LRRC4C: variants seen among roughly 807,000 people sequenced by gnomAD.
LRRC4C encodes leucine-rich repeat-containing protein 4C.
Under a neutral mutation model 33.6 loss-of-function variants are expected in LRRC4C, and 5 were observed. The observed-to-expected ratio is 0.15, with a 90% confidence interval of 0.08 to 0.31. The LOEUF is 0.31. Ranked by LOEUF, LRRC4C falls within the 10% of genes least tolerant of loss-of-function variation. The pLI, the probability that LRRC4C is intolerant of heterozygous loss-of-function variation, is 1.00. For synonymous variants in LRRC4C, 329 were observed against 302.0 expected (o/e 1.09, Z -0.93); for missense variants, 560 against 796.7 (o/e 0.70, Z 3.58).
chr11:40,568,736 A>C (rs754808690), intron 3 of LRRC4C, among the ~76,000 whole-genome samples: 1 of 152,166 alleles, frequency 6.6e-6, no homozygotes, highest in Non-Finnish European at 1.5e-5. Flanking sequence ...AAAGAAATCT[A>C]TCAGTGTGTA....
At chr11:40,327,389 T>C (rs1203307302) in intron 3 of LRRC4C, among the ~76,000 whole-genome samples, 1 of 152,168 alleles carries the variant, frequency 6.6e-6, no homozygotes. Context: ...TTCGAATTCA[T>C]TGAGCCTTAC....
intron 1 of LRRC4C, among the ~76,000 whole-genome samples, chr11:41,003,499 G>T (rs1854524032): frequency 6.6e-6 from 1 of 151,944 alleles, no homozygotes; most frequent in South Asian, 2.1e-4. Flanking sequence ...GCTACAACAA[G>T]GTTATTTGAG....
At chr11:40,562,898 G>A (rs976946870) in intron 3 of LRRC4C, among the ~76,000 whole-genome samples, 4 of 151,464 alleles carry the variant, frequency 2.6e-5, no homozygotes, top group African/African-American at 9.7e-5. Context: ...GTGGCACTCT[G>A]TGTGGGGCTC....
intron 5 of LRRC4C, among the ~76,000 whole-genome samples, chr11:40,151,287 T>C (rs762158149): frequency 2.6e-5 from 4 of 152,194 alleles, no homozygotes; most frequent in Non-Finnish European, 4.4e-5. Flanking sequence ...GTCAGGGATT[T>C]TTTCCATTTT....
intron 1 of LRRC4C, among the ~76,000 whole-genome samples, chr11:41,191,568 T>G (rs766038102): frequency 6.6e-6 from 1 of 152,152 alleles, no homozygotes; most frequent in Non-Finnish European, 1.5e-5. Context: ...AAGAACTCAT[T>G]GCAAAGATAT....
intron 1 of LRRC4C, among the ~76,000 whole-genome samples, chr11:41,243,028 T>C (rs547269148): frequency 2.6e-5 from 4 of 152,260 alleles, no homozygotes. Context: ...GCACATTCCG[T>C]CAAAAATTAT....
At chr11:40,633,960 G>A (rs542884194) in intron 3 of LRRC4C, among the ~76,000 whole-genome samples, 1 of 152,138 alleles carries the variant, frequency 6.6e-6, no homozygotes. Flanking sequence ...TGGGTACAAA[G>A]TTTGATAAAT....
At chr11:40,995,702 A>T (rs894663009) in intron 1 of LRRC4C, among the ~76,000 whole-genome samples, 3 of 152,196 alleles carry the variant, frequency 2.0e-5, no homozygotes, top group Middle Eastern at 3.4e-3. Context: ...TTTTTCTTTC[A>T]TATAAAAGCA....
chr11:41,389,711 G>T (rs564543597), intron 1 of LRRC4C, among the ~76,000 whole-genome samples: 1 of 145,950 alleles, frequency 6.9e-6, no homozygotes, highest in East Asian at 2.1e-4. Flanking sequence ...TGCTTACACT[G>T]AAGTAATATC....
intron 2 of LRRC4C, among the ~76,000 whole-genome samples, chr11:40,731,518 T>C (rs932557047): frequency 3.9e-5 from 6 of 152,100 alleles, no homozygotes; most frequent in Non-Finnish European, 8.8e-5. Flanking sequence ...TTAAATTTCT[T>C]TTCTTTATAA....
At chr11:41,420,497 A>G (rs1175793469) in intron 1 of LRRC4C, among the ~76,000 whole-genome samples, 1 of 152,096 alleles carries the variant, frequency 6.6e-6, no homozygotes, top group Non-Finnish European at 1.5e-5. Context: ...AATGAATGAA[A>G]GAAAAATAGA....
chr11:40,133,459 A>G (rs1856780370), intron 6 of LRRC4C, among the ~76,000 whole-genome samples: 1 of 152,210 alleles, frequency 6.6e-6, no homozygotes, highest in African/African-American at 2.4e-5. Flanking sequence ...TTATAACCCC[A>G]GGCGAAGCAC....
At chr11:40,687,069 G>A (rs1422124746) in intron 2 of LRRC4C, among the ~76,000 whole-genome samples, 1 of 152,100 alleles carries the variant, frequency 6.6e-6, no homozygotes, top group African/African-American at 2.4e-5. Context: ...TCACTCTCAG[G>A]CTTGGATGCT....
chr11:41,135,019 G>C (rs1241450425), intron 1 of LRRC4C, among the ~76,000 whole-genome samples: 2 of 152,042 alleles, frequency 1.3e-5, no homozygotes, highest in African/African-American at 2.4e-5. Flanking sequence ...GTCTCATTGA[G>C]AGACATCATG....
chr11:40,685,599 C>T (rs1005887962), intron 2 of LRRC4C, among the ~76,000 whole-genome samples: 1 of 151,162 alleles, frequency 6.6e-6, no homozygotes, highest in Non-Finnish European at 1.5e-5. Flanking sequence ...ACCCAGAAAA[C>T]CTGGAAAATA....
chr11:40,905,199 A>G (rs1435491617), intron 2 of LRRC4C, among the ~76,000 whole-genome samples: 3 of 152,114 alleles, frequency 2.0e-5, no homozygotes, highest in African/African-American at 7.2e-5. Context: ...ACCATATCTG[A>G]TGAAGTGTAG....
At chr11:41,215,252 C>T (rs1202090353) in intron 1 of LRRC4C, among the ~76,000 whole-genome samples, 1 of 151,544 alleles carries the variant, frequency 6.6e-6, no homozygotes, top group African/African-American at 2.4e-5. Context: ...CGTTGGGAGG[C>T]CAAGGTGGGT....
intron 6 of LRRC4C, among the ~76,000 whole-genome samples, chr11:40,136,554 G>A (rs1265141096): frequency 6.6e-6 from 1 of 151,902 alleles, no homozygotes; most frequent in African/African-American, 2.4e-5. Flanking sequence ...GGGATTACAG[G>A]TGTGAGCCAC....
intron 1 of LRRC4C, among the ~76,000 whole-genome samples, chr11:41,245,953 A>G (rs1016628088): frequency 6.6e-6 from 1 of 151,986 alleles, no homozygotes. Flanking sequence ...GTGTGTGCTG[A>G]TTGGTCCCTG....
Sources: allele counts gnomAD v4.1 joint callset (sites outside exome capture counted in the v4.1 genomes callset), GRCh38; gene constraint gnomAD v4.1.1; transcripts MANE v1.5; gene names NCBI Gene and HGNC (gene_info 2026-07-23, HGNC 2026-07-21).